Variants in IL1RAPL1 observed in about 807,000 individuals in gnomAD.
IL1RAPL1 encodes the protein interleukin-1 receptor accessory protein-like 1.
Under a neutral mutation model 48.4 loss-of-function variants are expected in IL1RAPL1, and 3 were observed. The observed-to-expected ratio is 0.06, with a 90% confidence interval of 0.03 to 0.16. The LOEUF (loss-of-function observed/expected upper bound fraction) is 0.16. Among genes scored for constraint, IL1RAPL1 ranks in the 10% least tolerant of loss-of-function variants. IL1RAPL1 has a pLI of 1.00. For synonymous variants in IL1RAPL1, 185 were observed against 187.7 expected (o/e 0.99, Z 0.12); for missense variants, 349 against 530.6 (o/e 0.66, Z 3.36).
intron 1 of IL1RAPL1, among the ~76,000 whole-genome samples, chrX:28,744,460 A>G (rs954886016): frequency 2.7e-5 from 3 of 111,741 alleles, no homozygotes; most frequent in African/African-American, 6.5e-5. Context: ...ATGAGAACCC[A>G]AGCACATTCC....
At chrX:29,862,111 A>T (rs1931597719) in intron 6 of IL1RAPL1, among the ~76,000 whole-genome samples, 1 of 108,855 alleles carries the variant, frequency 9.2e-6, no homozygotes. Flanking sequence ...GTGAGCCATG[A>T]TCACACCAAC....
intron 2 of IL1RAPL1, among the ~76,000 whole-genome samples, chrX:29,097,926 G>T (rs144708290): frequency 0.01 from 1,168 of 111,790 alleles, 22 homozygotes; most frequent in African/African-American, 0.036. Context: ...TTTTGATCGT[G>T]GGCAGAATGG....
At chrX:29,684,810 CTT>C (rs1926570534) in intron 6 of IL1RAPL1, among the ~76,000 whole-genome samples, 1 of 111,849 alleles carries the variant, frequency 8.9e-6, no homozygotes, top group Non-Finnish European at 1.9e-5. Context: ...GAGTTTTACT[CTT>C]TAAAAAGCAG....
At chrX:29,803,042 CATATATGTGTACATAT>C (rs1930044964) in intron 6 of IL1RAPL1, among the ~76,000 whole-genome samples, 1 of 78,056 alleles carries the variant, frequency 1.3e-5, no homozygotes, top group Admixed American at 1.5e-4. Context: ...TGCATATATA[CATATATGTGTACATAT>C]ATATGTATGC....
intron 3 of IL1RAPL1, among the ~76,000 whole-genome samples, chrX:29,352,105 C>G (rs1933238297): frequency 8.9e-6 from 1 of 111,843 alleles, no homozygotes; most frequent in Admixed American, 9.5e-5. Context: ...TCTGCATAAG[C>G]TTTATGCTTA....
At chrX:29,510,060 A>G (rs1051382678) in intron 5 of IL1RAPL1, among the ~76,000 whole-genome samples, 8 of 112,505 alleles carry the variant, frequency 7.1e-5, no homozygotes, top group Non-Finnish European at 1.5e-4. Context: ...GTGAATCTGT[A>G]AAGTATTGCA....
At chrX:28,974,685 C>T (rs1395974816) in intron 2 of IL1RAPL1, among the ~76,000 whole-genome samples, 1 of 111,925 alleles carries the variant, frequency 8.9e-6, no homozygotes, top group African/African-American at 3.2e-5. Context: ...AATAGACTAA[C>T]ATGTGCAGGG....
At chrX:29,803,354 CATGTATACACATATGTATAT>C (rs1930131862) in intron 6 of IL1RAPL1, among the ~76,000 whole-genome samples, 1 of 76,261 alleles carries the variant, frequency 1.3e-5, no homozygotes, top group African/African-American at 5.1e-5. Flanking sequence ...TATATGTATA[CATGTATACACATATGTATAT>C]ATGTATACAT....
chrX:29,752,603 C>T (rs947707849), intron 6 of IL1RAPL1, among the ~76,000 whole-genome samples: 19 of 110,144 alleles, frequency 1.7e-4, no homozygotes, highest in Non-Finnish European at 3.2e-4. Flanking sequence ...GGTGCTAATT[C>T]CTTTGAGAAT....
At chrX:28,850,130 A>G (rs1167583020) in intron 2 of IL1RAPL1, among the ~76,000 whole-genome samples, 1 of 112,168 alleles carries the variant, frequency 8.9e-6, no homozygotes, top group South Asian at 3.7e-4. Context: ...TAAGTATTTG[A>G]TTTCTGCAAA....
chrX:29,448,000 G>GCA (rs1934631777), intron 5 of IL1RAPL1, among the ~76,000 whole-genome samples: 1 of 111,681 alleles, frequency 9.0e-6, no homozygotes. Context: ...AGCATGCTGA[G>GCA]GTATAACTTC....
intron 8 of IL1RAPL1, among the ~76,000 whole-genome samples, chrX:29,925,659 T>TC (rs1166189645): frequency 9.3e-6 from 1 of 107,367 alleles, no homozygotes; most frequent in African/African-American, 3.4e-5. Flanking sequence ...GGCCTCAGCC[T>TC]CCCTTGTGGC....
At chrX:29,523,691 G>A (rs1335118080) in intron 5 of IL1RAPL1, among the ~76,000 whole-genome samples, 1 of 111,058 alleles carries the variant, frequency 9.0e-6, no homozygotes, top group African/African-American at 3.3e-5. Flanking sequence ...TTGAATCCAA[G>A]TTTTAAGTTA....
chrX:29,561,713 G>A (rs1192080174), intron 5 of IL1RAPL1, among the ~76,000 whole-genome samples: 3 of 111,568 alleles, frequency 2.7e-5, no homozygotes, highest in East Asian at 2.8e-4. Context: ...CAAGGTAATC[G>A]TGGATCATTT....
At chrX:29,904,170 C>T (rs907500621) in intron 6 of IL1RAPL1, among the ~76,000 whole-genome samples, 1 of 111,012 alleles carries the variant, frequency 9.0e-6, no homozygotes, top group Non-Finnish European at 1.9e-5. Flanking sequence ...GGAGTTTTTT[C>T]GATATCTAAA....
rs192836244 is a variant in IL1RAPL1, at chrX:29,403,557, G to A, written c.703+4249G>A. Reference sequence around the variant, plus strand: ...ATTGCTACTGGGATATAGTTGTTTTGAAGCTTTTCTAATCGACAAAAAAAG... The same window carrying A: ...ATTGCTACTGGGATATAGTTGTTTTAAAGCTTTTCTAATCGACAAAAAAAG... On this transcript the variant is annotated intron_variant, in intron 5 of 10. Coordinates refer to ENST00000378993, the MANE Select transcript of IL1RAPL1 (RefSeq NM_014271.4). Among the ~76,000 whole-genome samples, 59 of 111,533 alleles carry A rather than the reference G, an allele frequency of 5.3e-4. No individual in the cohort carries two copies. In the East Asian group the frequency reaches 0.015, roughly 29 times the overall value.
At position 29,525,001 on chromosome X, in the gene IL1RAPL1, A is replaced by G. The variant is rs185908453; in HGVS notation, c.703+125693A>G. 1.3e-3 allele frequency among the ~76,000 whole-genome samples: 148 copies of G among 112,359 alleles called. No individual in the cohort carries two copies. The Middle Eastern group carries it at 0.023, about 17-fold the overall frequency. On this transcript the variant is annotated intron_variant, in intron 5 of 10. Transcript: ENST00000378993. ...CTTTGGCTACTATTGTAAATTGACAAATGACATTATTGCTTTTAGATTTTT... is the reference window on the plus strand; with the variant it reads ...CTTTGGCTACTATTGTAAATTGACAGATGACATTATTGCTTTTAGATTTTT...
chrX:29,594,983 G>C lies in IL1RAPL1; in HGVS notation c.704-73447G>C, dbSNP rs940734811. On this transcript the variant is annotated intron_variant, in intron 5 of 10. Transcript: ENST00000378993. Reference sequence around the variant, plus strand: ...CAACTTATGAGTGCAAACATGCGATGTTTGATTTTCCATTCCCAGGTTACT... The same window carrying C: ...CAACTTATGAGTGCAAACATGCGATCTTTGATTTTCCATTCCCAGGTTACT... 2.7e-5 allele frequency among the ~76,000 whole-genome samples: 3 copies of C among 111,942 alleles called. No individual in the cohort carries two copies. The Admixed American group carries it at 2.9e-4, about 11-fold the overall frequency.
At chrX:28,756,158 T>C (rs1042330615) in intron 1 of IL1RAPL1, among the ~76,000 whole-genome samples, 2 of 111,968 alleles carry the variant, frequency 1.8e-5, no homozygotes, top group African/African-American at 3.2e-5. Flanking sequence ...TTTCTGTCTG[T>C]GTTCTCTCTT....
Sources: gnomAD v4.1 joint callset for allele counts (sites outside exome capture counted in the v4.1 genomes callset) on GRCh38, gnomAD v4.1.1 for gene constraint, MANE v1.5 for transcripts, NCBI Gene and HGNC (gene_info 2026-07-23, HGNC 2026-07-21) for gene names.